PAPPA: variants seen among roughly 807,000 people sequenced by gnomAD.
The protein encoded by PAPPA is pappalysin 1, also known as pappalysin-1.
Under a neutral mutation model 164.0 loss-of-function variants are expected in PAPPA, and 60 were observed. The ratio of observed to expected loss-of-function variants is 0.37; its 90% confidence interval spans 0.30 to 0.45. The LOEUF is 0.45. Ranked by LOEUF, PAPPA falls within the 20% of genes least tolerant of loss-of-function variation. PAPPA has a pLI of 1.00. For missense variants in PAPPA, 1,782 were observed against 2,087.3 expected (o/e 0.85, Z 2.85); for synonymous variants, 875 against 814.1 (o/e 1.07, Z -1.27).
intron 18 of PAPPA, among the ~76,000 whole-genome samples, chr9:116,367,288 G>A (rs148921202): frequency 1.3e-5 from 2 of 152,348 alleles, no homozygotes; most frequent in Non-Finnish European, 2.9e-5. Flanking sequence ...GGTGGTTAGT[G>A]AGAGAGGAGA....
chr9:116,362,771 G>A (rs1398631222), intron 18 of PAPPA, 32 bp downstream of exon 18: 14 of 1,598,634 alleles, frequency 8.8e-6, no homozygotes. Context: ...AGCAGTAGGA[G>A]GGGCAATTCC....
intron 21 of PAPPA, among the ~76,000 whole-genome samples, chr9:116,385,275 AAATAAAT>A (rs1011996678): frequency 5.8e-4 from 54 of 92,644 alleles, no homozygotes; most frequent in Non-Finnish European, 9.3e-4. Flanking sequence ...ATAAATAAAT[AAATAAAT>A]AATAATTTGG....
intron 2 of PAPPA, among the ~76,000 whole-genome samples, chr9:116,191,469 A>G (rs892014789): frequency 6.6e-6 from 1 of 152,158 alleles, no homozygotes; most frequent in Non-Finnish European, 1.5e-5. Flanking sequence ...TCTCTTTAAC[A>G]GGCATTTATT....
chr9:116,276,719 AC>A (rs1315281417), intron 9 of PAPPA, among the ~76,000 whole-genome samples: 1 of 148,078 alleles, frequency 6.8e-6, no homozygotes, highest in Non-Finnish European at 1.5e-5. Flanking sequence ...CTCCCTCCCC[AC>A]TCCTCTTCTC....
At chr9:116,316,934 G>A (rs1389326562) in intron 10 of PAPPA, among the ~76,000 whole-genome samples, 2 of 152,172 alleles carry the variant, frequency 1.3e-5, no homozygotes, top group Admixed American at 1.3e-4. Flanking sequence ...GGGGATGGGA[G>A]GACCCTGAGG....
chr9:116,207,882 G>A (rs1221754989), intron 3 of PAPPA, among the ~76,000 whole-genome samples: 3 of 152,138 alleles, frequency 2.0e-5, no homozygotes, highest in East Asian at 1.9e-4. Context: ...AACATCACAC[G>A]CAAGACAGTG....
chr9:116,284,545 C>CTTTTTTT (rs61248033), intron 9 of PAPPA, among the ~76,000 whole-genome samples: 1,071 of 88,242 alleles, frequency 0.012, 76 homozygotes, highest in African/African-American at 0.047. Flanking sequence ...TAGTCTGGGC[C>CTTTTTTT]TTTTTTTTTT....
intron 9 of PAPPA, among the ~76,000 whole-genome samples, chr9:116,298,976 T>C (rs1845545008): frequency 6.6e-6 from 1 of 152,232 alleles, no homozygotes; most frequent in Non-Finnish European, 1.5e-5. Context: ...TAGTGTTTTG[T>C]TGTTGCTGTC....
In PAPPA at chr9:116,332,159, C is replaced by G. The variant is rs140024088; in HGVS notation, c.3262-174C>G. On this transcript the variant is annotated intron_variant, in intron 11 of 21. Coordinates refer to ENST00000328252, the MANE Select transcript of PAPPA (RefSeq NM_002581.5). ...TGAAATTGGGTTTCTGATCTCAGAG[C>G]CTGTGCTCTTCACTGTTAGGTTTCA... Among the ~76,000 whole-genome samples, 27 of 152,248 alleles carry G rather than the reference C, an allele frequency of 1.8e-4. No individual in the cohort carries two copies. In the East Asian group the frequency reaches 5.0e-3, roughly 28 times the overall value.
At chr9:116,320,820 C>A (rs932179452) in intron 10 of PAPPA, among the ~76,000 whole-genome samples, 1 of 152,012 alleles carries the variant, frequency 6.6e-6, no homozygotes, top group South Asian at 2.1e-4. Flanking sequence ...TTAAAGTTTT[C>A]TGTGTTCATT....
chr9:116,289,119 TAC>T (rs1239608747), intron 9 of PAPPA, among the ~76,000 whole-genome samples: 30 of 23,566 alleles, frequency 1.3e-3, no homozygotes, highest in Admixed American at 1.7e-3. Context: ...GATATGCATA[TAC>T]ATATATATAT....
Position 116,396,738 on chromosome 9 carries a change from C to T in PAPPA, c.*122C>T, listed in dbSNP as rs1313813387. 13 of 640,242 alleles carry T rather than the reference C, an allele frequency of 2.0e-5. No homozygotes were observed. Among genetic ancestry groups the T allele is most frequent in the African/African-American group, 5.4e-5 (3 of 55,066 alleles). 39.7% of individuals were successfully genotyped at this position (640,242 alleles called of 1,614,324 possible). A position where few individuals can be genotyped will look rare whatever the true frequency, so the allele number is the denominator to read the frequency against. Reference sequence around the variant, plus strand: ...ACACCAGGGATCCTTAGCACCCAACCGGTCTGCCTTTAATTTTACCCAGGA... The same window carrying T: ...ACACCAGGGATCCTTAGCACCCAACTGGTCTGCCTTTAATTTTACCCAGGA... On this transcript the variant is annotated 3_prime_UTR_variant, in exon 22 of 22. Transcript: ENST00000328252.
chr9:116,194,860 A>G (rs1446800145), intron 2 of PAPPA, among the ~76,000 whole-genome samples: 2 of 152,250 alleles, frequency 1.3e-5, no homozygotes, highest in East Asian at 1.9e-4. Flanking sequence ...AAACTGCCAT[A>G]TACAAATTGA....
chr9:116,175,797 C>T (rs1255692021), intron 1 of PAPPA, among the ~76,000 whole-genome samples: 1 of 151,968 alleles, frequency 6.6e-6, no homozygotes, highest in African/African-American at 2.4e-5. Context: ...GGGGAGAGTA[C>T]CATTGGAGGT....
chr9:116,289,507 A>C (rs1845409295), intron 9 of PAPPA, among the ~76,000 whole-genome samples: 1 of 151,418 alleles, frequency 6.6e-6, no homozygotes, highest in Admixed American at 6.6e-5. Flanking sequence ...TTTTTATTTG[A>C]CATTGAATAT....
intron 10 of PAPPA, chr9:116,318,547 T>A (rs1845815049): frequency 6.6e-6 from 1 of 152,126 alleles, no homozygotes; most frequent in Non-Finnish European, 1.5e-5. Flanking sequence ...CCTCTCACCC[T>A]GTAAGAATAC....
chr9:116,251,926 C>A (rs1231556092), intron 7 of PAPPA, among the ~76,000 whole-genome samples: 1 of 152,186 alleles, frequency 6.6e-6, no homozygotes, highest in Admixed American at 6.5e-5. Context: ...TACCTCGTCC[C>A]GGGATTCGAA....
chr9:116,333,103 C>T (rs1364552960), intron 12 of PAPPA, among the ~76,000 whole-genome samples: 1 of 152,088 alleles, frequency 6.6e-6, no homozygotes, highest in East Asian at 1.9e-4. Flanking sequence ...ACTTGTACCA[C>T]CCCTTTGAAT....
At chr9:116,241,826 T>C (rs1844739159) in intron 7 of PAPPA, among the ~76,000 whole-genome samples, 1 of 152,204 alleles carries the variant, frequency 6.6e-6, no homozygotes, top group African/African-American at 2.4e-5. Flanking sequence ...GGCTCTTACA[T>C]GCTGTTTCTA....
Sources: allele counts gnomAD v4.1 joint callset (sites outside exome capture counted in the v4.1 genomes callset), GRCh38; gene constraint gnomAD v4.1.1; transcripts MANE v1.5; gene names NCBI Gene and HGNC (gene_info 2026-07-23, HGNC 2026-07-21).